The following UBR2 variants were observed in gnomAD, a reference collection of about 807,000 sequenced individuals.
The protein encoded by UBR2 is ubiquitin protein ligase E3 component n-recognin 2, also known as E3 ubiquitin-protein ligase UBR2.
A neutral mutation model predicts 247.9 loss-of-function variants in UBR2; 92 were observed. The ratio of observed to expected loss-of-function variants is 0.37; its 90% confidence interval spans 0.31 to 0.44. The LOEUF is 0.44. Ranked by LOEUF, UBR2 falls within the 20% of genes least tolerant of loss-of-function variation. The pLI is 1.00. For missense variants in UBR2, 1,613 were observed against 2,112.6 expected, an observed-to-expected ratio of 0.76 and a Z score of 4.64; for synonymous variants, 672 against 693.5, an observed-to-expected ratio of 0.97 and a Z score of 0.49.
chr6:42,685,034 C>T (rs995774038), intron 44 of UBR2, among the ~76,000 whole-genome samples, 163 bp downstream of exon 44: 2 of 152,090 alleles, frequency 1.3e-5, no homozygotes, highest in African/African-American at 2.4e-5. Flanking sequence ...AGAAACTTGG[C>T]GAGGCACGGT....
At chr6:42,614,375 T>TATATATGTATGTACGTACATACAGAC (rs70990112) in intron 8 of UBR2, among the ~76,000 whole-genome samples, 1 of 69,752 alleles carries the variant, frequency 1.4e-5, no homozygotes, top group Admixed American at 1.4e-4. Flanking sequence ...TGTGTATGTG[T>TATATATGTATGTACGTACATACAGAC]GTATATATGT....
chr6:42,679,748 A>G lies in UBR2; in HGVS notation c.4634A>G (p.His1545Arg), dbSNP rs910684747. 4.3e-6 allele frequency: 7 copies of G among 1,613,300 alleles called. No individual in the cohort carries two copies. The highest frequency in any genetic ancestry group is 5.9e-6 in the Non-Finnish European group (7 of 1,179,794). The stretch of plus-strand genomic sequence containing the variant: ...GTTCCTGGAACAAGCCATTTTGAAC[A>G]TTTATGTAGCTATCTTTCCCTACCA... Reference protein sequence around the residue: ...IQVPGTSHFEHLCSYLSLPNN... With the variant: ...IQVPGTSHFERLCSYLSLPNN... The change falls in exon 42 of 47, where the codon CAT becomes CGT. Residue 1545 changes from histidine (H) to arginine (R), a missense_variant. This residue lies in a region of UBR2 where 1,524 missense variants were observed against 1,967.3 expected (regional missense o/e 0.77). Coordinates refer to ENST00000372901, the MANE Select transcript of UBR2 (RefSeq NM_001363705.2).
chr6:42,595,382 G>A (rs1792902307), intron 4 of UBR2, among the ~76,000 whole-genome samples: 1 of 152,100 alleles, frequency 6.6e-6, no homozygotes, highest in Admixed American at 6.6e-5. Context: ...AATGGCAGGG[G>A]AATAGGTACA....
chr6:42,573,935 A>C lies in UBR2; in HGVS notation c.280A>C (p.Lys94Gln), dbSNP rs1287032278. The change falls in exon 2 of 47, where the codon AAA becomes CAA. Residue 94 changes from lysine to glutamine, a missense_variant. Lys to Gln is a moderately conservative substitution (Grantham distance 53, BLOSUM62 1). Around this residue, in one of 3 missense-constraint regions of UBR2, gnomAD observed 1,524 missense variants for 1,967.3 expected, o/e 0.77. Coordinates refer to ENST00000372901, the MANE Select transcript of UBR2 (RefSeq NM_001363705.2). ...FGFPKLEQAN[K>Q]PSHLCGRVFK... is the part of the protein sequence containing the mutation. Reference sequence around the variant, plus strand: ...ATTTCCAAAACTTGAGCAAGCAAACAAACCTTCTCATCTTTGTGGTCGTGT... The same window carrying C: ...ATTTCCAAAACTTGAGCAAGCAAACCAACCTTCTCATCTTTGTGGTCGTGT... 1.2e-6 allele frequency: 2 copies of C among 1,613,308 alleles called. No individual in the cohort carries two copies. Among genetic ancestry groups the C allele is most frequent in the Non-Finnish European group, 1.7e-6 (2 of 1,179,800 alleles).
chr6:42,686,258 G>T (rs1168387907), intron 44 of UBR2, among the ~76,000 whole-genome samples: 1 of 151,672 alleles, frequency 6.6e-6, no homozygotes, highest in Non-Finnish European at 1.5e-5. Context: ...CTGGGTACTT[G>T]AGATTAGGGA....
intron 11 of UBR2, among the ~76,000 whole-genome samples, chr6:42,628,992 C>T (rs1795524942): frequency 6.6e-6 from 1 of 151,806 alleles, no homozygotes; most frequent in African/African-American, 2.4e-5. Flanking sequence ...TGAATAAAAA[C>T]TGTAATATAA....
chr6:42,668,155 A>C (rs1798233432), intron 34 of UBR2, among the ~76,000 whole-genome samples: 1 of 152,112 alleles, frequency 6.6e-6, no homozygotes, highest in African/African-American at 2.4e-5. Context: ...TACAGTCAGG[A>C]GGGGGCACAG....
In UBR2 at chr6:42,573,877, A is replaced by T. The variant is rs1042960342; in HGVS notation, c.222A>T (p.Glu74Asp). 13 of 1,614,030 alleles carry T rather than the reference A, an allele frequency of 8.1e-6. No homozygotes were observed. Among genetic ancestry groups the T allele is most frequent in the Non-Finnish European group, 1.0e-5 (12 of 1,179,978 alleles). Residue 74 changes from glutamate to aspartate, a missense_variant, in exon 2 of 47, where the codon GAA becomes GAT. Transcript: ENST00000372901. ...LAQHVLLGPM[E>D]WYLCGEDPAF... ...AGCATGTTTTGTTGGGACCAATGGA[A>T]TGGTACCTTTGTGGTGAAGATCCTG...
rs1328797494 is a variant in UBR2 at position 42,617,268 on chromosome 6, T to C, written c.1183-141T>C. The stretch of plus-strand genomic sequence containing the variant: ...TACCAGCAGTTGCAGAGAGATTTTA[T>C]GGAGGATGATCACGAGCGAGCAGTG... On this transcript the variant is annotated intron_variant, in intron 10 of 46. Coordinates refer to ENST00000372901, the MANE Select transcript of UBR2 (RefSeq NM_001363705.2). The C allele has an allele frequency of 1.9e-6, 3 of 1,614,066 alleles. No homozygotes were observed. The Admixed American group carries it at 5.0e-5, about 27-fold the overall frequency.
intron 8 of UBR2, among the ~76,000 whole-genome samples, chr6:42,614,583 A>G (rs1214730519): frequency 1.3e-5 from 2 of 152,248 alleles, no homozygotes; most frequent in East Asian, 3.9e-4. Flanking sequence ...CAAGTCCACA[A>G]TAAGTTTTTG....
Position 42,573,785 on chromosome 6 carries a change from C to T in UBR2, c.130C>T (p.His44Tyr). ...LTREVYQHLA[H>Y]YVPKIYCRGP... ...TAGAGAAGTGTACCAGCATTTAGCC[C>T]ACTATGTACCCAAAATCTACTGCAG... The change falls in exon 2 of 47, where the codon CAC becomes TAC. Residue 44 changes from histidine to tyrosine, a missense_variant. By Grantham distance (83) the His-to-Tyr change is moderately conservative. Around this residue, in one of 3 missense-constraint regions of UBR2, gnomAD observed 1,524 missense variants for 1,967.3 expected, o/e 0.77. Coordinates refer to ENST00000372901, the MANE Select transcript of UBR2 (RefSeq NM_001363705.2). The T allele has an allele frequency of 6.2e-7, 1 of 1,610,382 alleles. No individual in the cohort carries two copies. The highest frequency in any genetic ancestry group is 8.5e-7 in the Non-Finnish European group (1 of 1,177,980).
chr6:42,595,282 C>T (rs1020548217), intron 4 of UBR2, among the ~76,000 whole-genome samples: 1 of 152,156 alleles, frequency 6.6e-6, no homozygotes, highest in Non-Finnish European at 1.5e-5. Flanking sequence ...TTCTTGTATC[C>T]GTTAGCCAAC....
chr6:42,599,502 A>G (rs1335299222), intron 4 of UBR2, among the ~76,000 whole-genome samples: 1 of 152,200 alleles, frequency 6.6e-6, no homozygotes, highest in Non-Finnish European at 1.5e-5. Flanking sequence ...CTGGGATTTA[A>G]ACCTATGTAG....
In UBR2 at chr6:42,573,760, T is replaced by C. The variant is rs1249972344; in HGVS notation, c.105T>C (p.Thr35=). ...AATGGCTGCAAGCAACTGACCTCAC[T>C]AGAGAAGTGTACCAGCATTTAGCCC... ...AGKWLQATDL[T]REVYQHLAHY... The change falls in exon 2 of 47, where the codon ACT becomes ACC. Residue 35 remains threonine, a synonymous_variant. Coordinates refer to ENST00000372901, the MANE Select transcript of UBR2 (RefSeq NM_001363705.2). 4 of 1,591,262 alleles carry C rather than the reference T, an allele frequency of 2.5e-6. No individual in the cohort carries two copies. Among genetic ancestry groups the C allele is most frequent in the Non-Finnish European group, 3.4e-6 (4 of 1,166,476 alleles).
intron 2 of UBR2, among the ~76,000 whole-genome samples, chr6:42,588,883 T>C (rs921789027): frequency 2.6e-5 from 4 of 152,186 alleles, no homozygotes; most frequent in African/African-American, 9.7e-5. Flanking sequence ...TTAAGTGATG[T>C]TAGCTGTAGG....
chr6:42,586,582 A>T, intron 2 of UBR2, among the ~76,000 whole-genome samples: 1 of 102,552 alleles, frequency 9.8e-6, no homozygotes, highest in Admixed American at 1.2e-4. Context: ...TAATTTTCCT[A>T]ACTGTGTGCT....
chr6:42,569,620 T>G (rs568655473), intron 1 of UBR2, among the ~76,000 whole-genome samples: 92 of 152,340 alleles, frequency 6.0e-4, no homozygotes, highest in African/African-American at 2.2e-3. Flanking sequence ...TTATGAGCAC[T>G]AGTTGTTTTA....
intron 44 of UBR2, among the ~76,000 whole-genome samples, 194 bp from the exon 45 acceptor site, chr6:42,688,022 G>A (rs990485654): frequency 2.0e-5 from 3 of 151,752 alleles, no homozygotes; most frequent in African/African-American, 7.3e-5. Flanking sequence ...AGTGTTTCCA[G>A]TACATGGTCT....
chr6:42,667,762 CTTT>C (rs1260241442), intron 34 of UBR2, among the ~76,000 whole-genome samples: 2 of 67,106 alleles, frequency 3.0e-5, no homozygotes, highest in Admixed American at 1.6e-4. Context: ...ACAACTTTTT[CTTT>C]TTTTTTTTTT....
Sources: allele counts gnomAD v4.1 joint callset (sites outside exome capture counted in the v4.1 genomes callset), GRCh38; gene constraint gnomAD v4.1.1; regional missense constraint gnomAD v4.1.1; transcripts MANE v1.5; gene names NCBI Gene and HGNC (gene_info 2026-07-23, HGNC 2026-07-21).